Variants in ACD observed in about 807,000 individuals in gnomAD.
The protein encoded by ACD is ACD shelterin complex subunit and telomerase recruitment factor, also known as adrenocortical dysplasia protein homolog.
A neutral mutation model predicts 53.9 loss-of-function variants in ACD; 39 were observed. The ratio of observed to expected loss-of-function variants is 0.72; its 90% CI spans 0.56 to 0.95. The LOEUF is 0.95. Ranked by LOEUF, ACD falls within the 40% of genes least tolerant of loss-of-function variation. The pLI is 0.00. For synonymous variants in ACD, 273 were observed against 249.2 expected, an observed-to-expected ratio of 1.10 and a Z score of -0.90; for missense variants, 526 against 587.9, an observed-to-expected ratio of 0.89 and a Z score of 1.09.
intron 9 of ACD, 48 bp from the exon 10 acceptor site, chr16:67,658,410 C>G: frequency 6.2e-7 from 1 of 1,611,780 alleles, no homozygotes; most frequent in Non-Finnish European, 8.5e-7. Context: ...CCGCTCAGGG[C>G]AGCTGAGTGG....
In ACD at chr16:67,659,614, C is replaced by T; in HGVS notation, c.337-1G>A. 6.2e-7 allele frequency: 1 copy of T among 1,613,354 alleles called. No homozygotes were observed. Among genetic ancestry groups the T allele is most frequent in the Non-Finnish European group, 8.5e-7 (1 of 1,179,976 alleles). On this transcript the variant is annotated splice_acceptor_variant, in intron 3 of 11. Transcript: ENST00000620761. LOFTEE classifies it high-confidence loss of function. ...CCACCTGGAGATAGAACTCTGCGGG[C>T]TGGAGGAGTTCGGGGGGAAGGGGGG...
rs544905322 is a variant in ACD at position 67,657,602 on chromosome 16, C to T, written c.*4G>A. 78 of 1,614,124 alleles carry T rather than the reference C, an allele frequency of 4.8e-5. No homozygotes were observed. The highest frequency in any genetic ancestry group is 5.8e-5 in the Non-Finnish European group (69 of 1,180,038). ...GTGGAGCGGTATCTGTCCTGCGTGA[C>T]GTCTCACATCGGAGTTGGCTCAGAC... On this transcript the variant is annotated 3_prime_UTR_variant, in exon 12 of 12. Transcript: ENST00000620761. The surrounding 1 kb of genome is among the most constrained non-coding windows in gnomAD (Gnocchi z 4.5).
In ACD at chr16:67,658,118, G is replaced by A. The variant is rs752017845; in HGVS notation, c.1074C>T (p.His358=). The A allele has an allele frequency of 1.9e-6, 3 of 1,592,472 alleles. No homozygotes were observed. Among genetic ancestry groups the A allele is most frequent in the African/African-American group, 2.7e-5 (2 of 74,426 alleles). ...LSPRSHVPSP[H]QALVTRPQKP... is the part of the protein sequence containing the mutation. ...TCTGGGGCCTGGTCACAAGAGCCTGGTGTGGACTGGGGACATGGCTACGGG... is the reference window on the plus strand; with the variant it reads ...TCTGGGGCCTGGTCACAAGAGCCTGATGTGGACTGGGGACATGGCTACGGG... The change falls in exon 10 of 12, where the codon CAC becomes CAT. Residue 358 remains histidine, a synonymous_variant. Transcript: ENST00000620761.
In ACD at chr16:67,659,896, C is replaced by T. The variant is rs368510441; in HGVS notation, c.242+7G>A. 71 of 1,586,740 alleles carry T rather than the reference C, an allele frequency of 4.5e-5. No individual in the cohort carries two copies. Among genetic ancestry groups the T allele is most frequent in the Non-Finnish European group, 5.1e-5 (59 of 1,165,234 alleles). ...TCCGACCTCCAGAGCCGCGCGGGGC[C>T]TCTCACCAGTCCGAGGTGTCCAGGG... On this transcript the variant is annotated splice_region_variant and intron_variant, in intron 2 of 11. Transcript: ENST00000620761.
Position 67,659,889 on chromosome 16 carries a change from G to GC in ACD, c.242+13dup, listed in dbSNP as rs774149870. ...GCCGGACTCCGACCTCCAGAGCCGC[G>GC]CGGGGCCTCTCACCAGTCCGAGGTG... On this transcript the variant is annotated intron_variant, in intron 2 of 11. Transcript: ENST00000620761. 1.3e-5 allele frequency: 21 copies of GC among 1,582,638 alleles called. No homozygotes were observed. The highest frequency in any genetic ancestry group is 1.7e-5 in the Non-Finnish European group (20 of 1,162,694).
intron 9 of ACD, 92 bp downstream of exon 9, chr16:67,658,463 C>G: frequency 6.3e-7 from 1 of 1,597,178 alleles, no homozygotes. Context: ...GTTCATCCCC[C>G]ACCCACCGTG....
rs200365807 is a variant in ACD, at chr16:67,660,175, G to T, written c.46C>A (p.Leu16Met). The T allele has an allele frequency of 7.1e-5, 114 of 1,612,616 alleles. No homozygotes were observed. In the African/African-American group the frequency reaches 1.2e-3, roughly 18 times the overall value. Residue 16 changes from leucine to methionine, a missense_variant, in exon 1 of 12, where the codon CTG becomes ATG. By Grantham distance (15) the Leu-to-Met change is conservative. Transcript: ENST00000620761. ...RLVLRPWIRELILGSETPSSP... is the reference protein window; with the variant it reads ...RLVLRPWIREMILGSETPSSP... ...GAGGGTGTCTCTGACCCCAGAATCA[G>T]CTCCCGAATCCAGGGCCGTAGGACC...
Position 67,657,959 on chromosome 16 carries a change from C to T in ACD, c.1206+27G>A. 6.3e-7 allele frequency: 1 copy of T among 1,590,544 alleles called. No individual in the cohort carries two copies. ...TACCTCAGGCCTTCCTTGTTCTACC[C>T]TCCAGCTGCAGAGGGGCTATGCTCA... is the stretch of plus-strand genomic sequence containing the variant. On this transcript the variant is annotated intron_variant, in intron 10 of 11. Transcript: ENST00000620761. The surrounding 1 kb of genome is among the most constrained non-coding windows in gnomAD (Gnocchi z 4.5).
chr16:67,658,287 A>C lies in ACD; in HGVS notation c.905T>G (p.Leu302Trp). 6.2e-7 allele frequency: 1 copy of C among 1,613,846 alleles called. No homozygotes were observed. Among genetic ancestry groups the C allele is most frequent in the Non-Finnish European group, 8.5e-7 (1 of 1,180,008 alleles). ...TCTCTGCCCTGGGTCTGGAGCAGCCAAGGACAGGGCAGGCAGAAGGCTGAT... is the reference window on the plus strand; with the variant it reads ...TCTCTGCCCTGGGTCTGGAGCAGCCCAGGACAGGGCAGGCAGAAGGCTGAT... ...TSISLLPALS[L>W]AAPDPGQRSS... is the part of the protein sequence containing the mutation. Residue 302 changes from leucine (L) to tryptophan (W), a missense_variant, in exon 10 of 12, where the codon TTG (leucine) becomes TGG (tryptophan). Transcript: ENST00000620761.
Position 67,658,012 on chromosome 16 carries a change from C to T in ACD, c.1180G>A (p.Gly394Arg). 1.3e-6 allele frequency: 2 copies of T among 1,552,184 alleles called. No individual in the cohort carries two copies. The highest frequency in any genetic ancestry group is 1.7e-6 in the Non-Finnish European group (2 of 1,149,342). ...CAGACAGAGCAGGGCTCCTGGGCTC[C>T]CCTGGTAGCTCCGGTCCTGGGAAAA... ...PPFPRTGATR[G>R]AQEPCSVWEP... Residue 394 changes from glycine (G) to arginine (R), a missense_variant, in exon 10 of 12, where the codon GGA becomes AGA. Transcript: ENST00000620761.
rs1373169889 is a variant in ACD, at chr16:67,659,248, C to T, written c.474G>A (p.Glu158=). Reference sequence around the variant, plus strand: ...CAGTACCTGCATTGGACGAGGTGGACTCTGAAAGGTGCTCCCTACAGGAAG... The same window carrying T: ...CAGTACCTGCATTGGACGAGGTGGATTCTGAAAGGTGCTCCCTACAGGAAG... ...LYDCLEEHLS[E]STSSNAGLSL... is the part of the protein sequence containing the mutation. Residue 158 remains glutamate (E), a synonymous_variant, in exon 6 of 12, where the codon GAG becomes GAA. Coordinates refer to ENST00000620761, the MANE Select transcript of ACD (RefSeq NM_001082486.2). 1 of 1,614,128 alleles carries T rather than the reference C, an allele frequency of 6.2e-7. No individual in the cohort carries two copies. The highest frequency in any genetic ancestry group is 8.5e-7 in the Non-Finnish European group (1 of 1,180,010).
chr16:67,658,859 T>G, intron 7 of ACD, 43 bp from the exon 8 acceptor site: 1 of 1,603,016 alleles, frequency 6.2e-7, no homozygotes, highest in Non-Finnish European at 8.5e-7. Context: ...TTTACTCTCA[T>G]GTCCTGTGGG....
At position 67,659,281 on chromosome 16, in the gene ACD, C is replaced by T. The variant is rs1449515028; in HGVS notation, c.459-18G>A. 2 of 1,614,000 alleles carry T rather than the reference C, an allele frequency of 1.2e-6. No individual in the cohort carries two copies. Among genetic ancestry groups the T allele is most frequent in the Non-Finnish European group, 1.7e-6 (2 of 1,180,018 alleles). ...GGTGCTCCCTACAGGAAGAGAGTGG[C>T]CAGGACTCAGGAACCATGCTGAGGC... is the stretch of plus-strand genomic sequence containing the variant. On this transcript the variant is annotated intron_variant, in intron 5 of 11. Coordinates refer to ENST00000620761, the MANE Select transcript of ACD (RefSeq NM_001082486.2).
chr16:67,657,793 T>C lies in ACD; in HGVS notation c.1267A>G (p.Thr423Ala). ...GCTTGGACCCGAGCACAGAGGGACG[T>C]GCAGGGTGGCTCATACTCATACTGG... ...AFQYEYEPPC[T>A]SLCARVQAVR... The change falls in exon 11 of 12, where the codon ACG (threonine) becomes GCG (alanine). Residue 423 changes from threonine to alanine, a missense_variant. By Grantham distance (58) the Thr-to-Ala change is moderately conservative. Transcript: ENST00000620761. The surrounding 1 kb of genome is among the most constrained non-coding windows in gnomAD (Gnocchi z 4.5). 1 of 1,614,090 alleles carries C rather than the reference T, an allele frequency of 6.2e-7. No homozygotes were observed. Among genetic ancestry groups the C allele is most frequent in the South Asian group, 1.1e-5 (1 of 91,086 alleles).
intron 9 of ACD, 31 bp from the exon 10 acceptor site, chr16:67,658,393 G>A (rs771225813): frequency 1.2e-6 from 2 of 1,612,858 alleles, no homozygotes; most frequent in Admixed American, 3.3e-5. Context: ...TGTAGGCACA[G>A]CCCTCTCCGC....
rs571116752 is a variant in ACD at position 67,658,928 on chromosome 16, C to T, written c.645G>A (p.Thr215=). 3.2e-5 allele frequency: 51 copies of T among 1,613,518 alleles called. No homozygotes were observed. The South Asian group carries it at 4.0e-4, about 13-fold the overall frequency. Residue 215 remains threonine (T), a splice_region_variant and synonymous_variant, in exon 7 of 12, where the codon ACG becomes ACA. Transcript: ENST00000620761. ...THWAASRCKA[T]GEAVYTVPSS... ...CTCCCAAGCAAATCCCCAGACTGAC[C>T]GTGGCCTTGCATCGTGAGGCAGCCC...
intron 4 of ACD, 27 bp from the exon 5 acceptor site, chr16:67,659,446 G>C (rs780754740): frequency 6.2e-7 from 1 of 1,613,938 alleles, no homozygotes; most frequent in Non-Finnish European, 8.5e-7. Context: ...GGTAGTTAAT[G>C]GGGGCCCAAG....
intron 8 of ACD, 24 bp from the exon 9 acceptor site, chr16:67,658,665 C>T: frequency 6.3e-7 from 1 of 1,588,446 alleles, no homozygotes; most frequent in Non-Finnish European, 8.6e-7. Context: ...GAAGTCTTAT[C>T]AGCACTGTGG....
Position 67,659,431 on chromosome 16 carries a change from A to G in ACD, c.414-12T>C, listed in dbSNP as rs2052952379. The G allele has an allele frequency of 1.2e-6, 2 of 1,614,060 alleles. No individual in the cohort carries two copies. Among genetic ancestry groups the G allele is most frequent in the Non-Finnish European group, 8.5e-7 (1 of 1,180,018 alleles). On this transcript the variant is annotated splice_polypyrimidine_tract_variant and intron_variant, in intron 4 of 11. Transcript: ENST00000620761. ...CTAAGTCTTGGTTGCTAAGAAAAAG[A>G]GAAGGGTAGTTAATGGGGGCCCAAG...
Sources: allele counts gnomAD v4.1 joint callset, GRCh38; gene constraint gnomAD v4.1.1; non-coding constraint Gnocchi (gnomAD v3.1); transcripts MANE v1.5; gene names NCBI Gene and HGNC (gene_info 2026-07-23, HGNC 2026-07-21).